Variants in FAT3 observed in about 807,000 individuals in gnomAD.
The protein encoded by FAT3 is FAT atypical cadherin 3, also known as protocadherin Fat 3.
In FAT3, 95 loss-of-function variants were observed where a neutral mutation model predicts 310.2. That is an observed-to-expected ratio of 0.31 (90% CI 0.26 to 0.36). The LOEUF (loss-of-function observed/expected upper bound fraction) is 0.36. Ranked by LOEUF, FAT3 falls within the 10% of genes least tolerant of loss-of-function variation. The pLI, the probability that FAT3 is intolerant of heterozygous loss-of-function variation, is 1.00. For synonymous variants in FAT3, 2,314 were observed against 2,192.9 expected, an observed-to-expected ratio of 1.06 and a Z score of -1.54; for missense variants, 5,408 against 5,715.6, an observed-to-expected ratio of 0.95 and a Z score of 1.74.
chr11:92,745,560 C>T (rs757153388), intron 4 of FAT3, among the ~76,000 whole-genome samples: 2 of 135,942 alleles, frequency 1.5e-5, no homozygotes, highest in Non-Finnish European at 3.0e-5. Context: ...AGATTAGTAG[C>T]TGATGCATAC....
intron 3 of FAT3, among the ~76,000 whole-genome samples, chr11:92,625,453 T>C (rs1008572337): frequency 1.3e-5 from 2 of 152,118 alleles, no homozygotes; most frequent in Non-Finnish European, 2.9e-5. Context: ...CCCAAGACAG[T>C]GGTTGTTATC....
intron 2 of FAT3, among the ~76,000 whole-genome samples, chr11:92,457,640 G>A (rs765298727): frequency 6.6e-6 from 1 of 152,214 alleles, no homozygotes; most frequent in Non-Finnish European, 1.5e-5. Flanking sequence ...AACTGAAATA[G>A]GCTGGGTGCT....
At chr11:92,840,825 G>A in intron 18 of FAT3, 66 bp downstream of exon 18, 1 of 1,405,938 alleles carries the variant, frequency 7.1e-7, no homozygotes, top group Non-Finnish European at 9.4e-7. Flanking sequence ...TGTCCCCTTT[G>A]GTGGATTTTT....
chr11:92,585,713 AC>A (rs1939111254), intron 3 of FAT3, among the ~76,000 whole-genome samples: 2 of 151,850 alleles, frequency 1.3e-5, no homozygotes, highest in East Asian at 3.9e-4. Context: ...CAGGATTCAA[AC>A]TCAGCAAGTC....
intron 3 of FAT3, among the ~76,000 whole-genome samples, chr11:92,689,574 C>T (rs1031316621): frequency 6.6e-6 from 1 of 152,224 alleles, no homozygotes; most frequent in East Asian, 1.9e-4. Flanking sequence ...TAGGCAGAAT[C>T]GGAAGGCAGA....
chr11:92,568,446 A>G (rs1233322664), intron 3 of FAT3, among the ~76,000 whole-genome samples: 1 of 152,140 alleles, frequency 6.6e-6, no homozygotes, highest in Non-Finnish European at 1.5e-5. Flanking sequence ...AGTGAGGAAA[A>G]ATCATTTATA....
intron 3 of FAT3, among the ~76,000 whole-genome samples, chr11:92,549,469 G>A (rs766711021): frequency 1.3e-5 from 2 of 152,016 alleles, no homozygotes; most frequent in South Asian, 2.1e-4. Flanking sequence ...TCTCCTCTTC[G>A]GTTACATGGC....
chr11:92,762,264 T>A, intron 5 of FAT3, 94 bp downstream of exon 5: 1 of 1,308,956 alleles, frequency 7.6e-7, no homozygotes, highest in Non-Finnish European at 1.0e-6. Flanking sequence ...ATCTTTAGAG[T>A]AAAAAGTGAA....
At chr11:92,507,117 T>G (rs892364184) in intron 2 of FAT3, among the ~76,000 whole-genome samples, 2 of 152,202 alleles carry the variant, frequency 1.3e-5, no homozygotes, top group Admixed American at 6.5e-5. Context: ...GTCTTGTCAG[T>G]GCCTCTGGTG....
intron 7 of FAT3, among the ~76,000 whole-genome samples, chr11:92,788,754 G>A (rs1440358900): frequency 1.3e-5 from 2 of 152,088 alleles, no homozygotes; most frequent in Admixed American, 6.6e-5. Context: ...GAAATACAGG[G>A]TACAGAGGGA....
intron 21 of FAT3, among the ~76,000 whole-genome samples, chr11:92,864,074 G>T (rs1462400045): frequency 4.6e-5 from 7 of 152,180 alleles, no homozygotes; most frequent in Admixed American, 4.6e-4. Context: ...GCTTAACCGT[G>T]CCGTGTTAGT....
chr11:92,642,173 C>A (rs1706013095), intron 3 of FAT3, among the ~76,000 whole-genome samples: 3 of 152,228 alleles, frequency 2.0e-5, no homozygotes, highest in Non-Finnish European at 4.4e-5. Context: ...GCCATGGATG[C>A]TGGTAGAGGA....
At position 92,801,157 on chromosome 11, in the gene FAT3, T is replaced by C. The variant is rs1394260075; in HGVS notation, c.8144T>C (p.Phe2715Ser). 6.2e-7 allele frequency: 1 copy of C among 1,613,952 alleles called. No individual in the cohort carries two copies. Among genetic ancestry groups the C allele is most frequent in the Admixed American group, 1.7e-5 (1 of 60,022 alleles). Residue 2715 changes from phenylalanine (F) to serine (S), a missense_variant, in exon 10 of 28, where the codon TTT becomes TCT. Around this residue, in one of 5 missense-constraint regions of FAT3, gnomAD observed 4,588 missense variants for 4,809.8 expected, o/e 0.95. Coordinates refer to ENST00000525166, the MANE Select transcript of FAT3 (RefSeq NM_001367949.2). ...LPSFTQSQYS[F>S]TIAEDTAIGS... is the part of the protein sequence containing the mutation. ...TCATTCACCCAGTCTCAGTATTCCT[T>C]TACCATTGCAGAAGATACAGCCATT...
intron 2 of FAT3, among the ~76,000 whole-genome samples, chr11:92,359,557 C>A (rs528105673): frequency 1.3e-5 from 2 of 150,644 alleles, no homozygotes; most frequent in East Asian, 2.0e-4. Context: ...TATACATGTG[C>A]CATGCTGGTG....
intron 3 of FAT3, among the ~76,000 whole-genome samples, chr11:92,652,688 C>T (rs577266583): frequency 1.3e-5 from 2 of 152,136 alleles, no homozygotes; most frequent in Non-Finnish European, 2.9e-5. Flanking sequence ...CTAAAGACAC[C>T]GGGGCTGGGA....
chr11:92,799,682 C>T lies in FAT3; in HGVS notation c.6669C>T (p.Ile2223=), dbSNP rs761034967. Residue 2223 remains isoleucine (I), a synonymous_variant, in exon 10 of 28, where the codon ATC becomes ATT. Coordinates refer to ENST00000525166, the MANE Select transcript of FAT3 (RefSeq NM_001367949.2). ...GCCAAGGCATCATATATATCATTAT[C>T]GATGGGGACCCTTTTAAACAGTTTA... ...PEGQGIIYII[I]DGDPFKQFNI... The T allele has an allele frequency of 2.1e-5, 34 of 1,613,432 alleles. No homozygotes were observed. Among genetic ancestry groups the T allele is most frequent in the Non-Finnish European group, 2.6e-5 (31 of 1,179,670 alleles).
At chr11:92,859,057 T>C (rs923416434) in intron 20 of FAT3, 108 bp from the exon 21 acceptor site, 9 of 1,049,456 alleles carry the variant, frequency 8.6e-6, no homozygotes, top group African/African-American at 1.6e-5. Flanking sequence ...TAACTTCTCA[T>C]GCATGGTCTT....
intron 3 of FAT3, among the ~76,000 whole-genome samples, chr11:92,657,511 G>A (rs1397531725): frequency 1.3e-5 from 2 of 152,202 alleles, no homozygotes; most frequent in Non-Finnish European, 2.9e-5. Context: ...GTACAGATGA[G>A]TGCCTTCGAT....
intron 1 of FAT3, among the ~76,000 whole-genome samples, chr11:92,268,535 C>T (rs925235067): frequency 6.6e-6 from 1 of 151,604 alleles, no homozygotes; most frequent in African/African-American, 2.4e-5. Flanking sequence ...TCAAAATTAA[C>T]CCCCAACCTT....
Sources: gnomAD v4.1 joint callset for allele counts (sites outside exome capture counted in the v4.1 genomes callset) on GRCh38, gnomAD v4.1.1 for gene constraint, gnomAD v4.1.1 regional missense constraint, MANE v1.5 for transcripts, NCBI Gene and HGNC (gene_info 2026-07-23, HGNC 2026-07-21) for gene names.